Variants in NALCN observed in about 807,000 individuals in gnomAD.
NALCN encodes sodium leak channel NALCN.
In NALCN, 111 loss-of-function variants were observed where a neutral mutation model predicts 225.3. The observed-to-expected ratio is 0.49, with a 90% CI of 0.42 to 0.58. NALCN has a LOEUF of 0.58. NALCN is among the 20% of genes least tolerant of loss of function. NALCN has a pLI of 0.00. For missense variants in NALCN, 1,378 were observed against 2,202.4 expected (o/e 0.63, Z 7.49); for synonymous variants, 764 against 769.0 (o/e 0.99, Z 0.11).
intron 15 of NALCN, among the ~76,000 whole-genome samples, chr13:101,162,651 A>T (rs12874108): frequency 0.23 from 34,280 of 152,186 alleles, 4,855 homozygotes; most frequent in Non-Finnish European, 0.31. Flanking sequence ...AACCATTGCA[A>T]TCTAGTTTCC....
chr13:101,127,905 CTAAACA>C (rs542009842), intron 17 of NALCN, among the ~76,000 whole-genome samples: 117 of 152,184 alleles, frequency 7.7e-4, no homozygotes, highest in Middle Eastern at 3.4e-3. Flanking sequence ...CTAGACTGTG[CTAAACA>C]TAAAGAGCTC....
In NALCN at chr13:101,057,960, C is replaced by T; in HGVS notation, c.5002G>A (p.Gly1668Arg). The T allele has an allele frequency of 6.2e-7, 1 of 1,613,984 alleles. No homozygotes were observed. The highest frequency in any genetic ancestry group is 8.5e-7 in the Non-Finnish European group (1 of 1,180,024). ...CTACCTGAGGGCAGACGCCACTGCC[C>T]AAATTTCCTCTGGGGTTTCCCTGCG... Reference protein sequence around the residue: ...ADAGKPQRKFGQWRLPSAPKP... With the variant: ...ADAGKPQRKFRQWRLPSAPKP... Residue 1668 changes from glycine (G) to arginine (R), a missense_variant, in exon 43 of 44, where the codon GGG becomes AGG. Physicochemically the swap from Gly to Arg is moderately radical, Grantham distance 125 (BLOSUM62 -2). Around this residue, in one of 19 missense-constraint regions of NALCN, gnomAD observed 145 missense variants for 169.6 expected, o/e 0.85. Coordinates refer to ENST00000251127, the MANE Select transcript of NALCN (RefSeq NM_052867.4).
chr13:101,064,974 A>C (rs556197470), intron 40 of NALCN, among the ~76,000 whole-genome samples: 1 of 152,276 alleles, frequency 6.6e-6, no homozygotes, highest in East Asian at 1.9e-4. Context: ...AGGCCAGGCA[A>C]ATTCTCATCA....
chr13:101,311,319 G>A (rs2044336562), intron 7 of NALCN, among the ~76,000 whole-genome samples: 1 of 151,876 alleles, frequency 6.6e-6, no homozygotes, highest in Non-Finnish European at 1.5e-5. Flanking sequence ...GGGACAATTT[G>A]ACTTCCTCTT....
At chr13:101,146,488 C>T in intron 15 of NALCN, among the ~76,000 whole-genome samples, 1 of 152,074 alleles carries the variant, frequency 6.6e-6, no homozygotes, top group East Asian at 1.9e-4. Flanking sequence ...AAAATGATTC[C>T]ACACACGAGT....
intron 43 of NALCN, among the ~76,000 whole-genome samples, chr13:101,056,584 A>G (rs2031292720): frequency 6.6e-6 from 1 of 152,012 alleles, no homozygotes. Context: ...TTTTGACAGC[A>G]TCATTTCTTT....
chr13:101,127,657 C>T (rs2036300752), intron 17 of NALCN, among the ~76,000 whole-genome samples: 1 of 152,120 alleles, frequency 6.6e-6, no homozygotes, highest in African/African-American at 2.4e-5. Context: ...CACACCTGGC[C>T]TTTGGGATGT....
chr13:101,200,034 T>C (rs184791229), intron 13 of NALCN, among the ~76,000 whole-genome samples: 304 of 152,254 alleles, frequency 2.0e-3, no homozygotes, highest in African/African-American at 7.0e-3. Context: ...CAATACTCAC[T>C]ACCTGCTTGA....
intron 13 of NALCN, among the ~76,000 whole-genome samples, chr13:101,202,609 C>T (rs527408279): frequency 2.2e-4 from 33 of 152,290 alleles, no homozygotes; most frequent in Non-Finnish European, 4.1e-4. Context: ...ATCTGATACT[C>T]CATGGCTGCC....
chr13:101,151,771 C>G (rs958645893), intron 15 of NALCN, among the ~76,000 whole-genome samples: 1 of 152,270 alleles, frequency 6.6e-6, no homozygotes, highest in East Asian at 1.9e-4. Flanking sequence ...GATTTTACAA[C>G]CCAAATCGCA....
chr13:101,159,865 C>G (rs1038594607), intron 15 of NALCN, among the ~76,000 whole-genome samples: 1 of 152,160 alleles, frequency 6.6e-6, no homozygotes, highest in Non-Finnish European at 1.5e-5. Flanking sequence ...TTTGGTAAAA[C>G]TGAAAGAGAG....
chr13:101,299,421 GT>G (rs201914575), intron 7 of NALCN, among the ~76,000 whole-genome samples: 12 of 150,710 alleles, frequency 8.0e-5, no homozygotes, highest in Admixed American at 1.3e-4. Context: ...CACACACAGG[GT>G]TTTTTTTGTT....
intron 15 of NALCN, among the ~76,000 whole-genome samples, chr13:101,163,266 A>C (rs1210170985): frequency 6.6e-6 from 1 of 152,144 alleles, no homozygotes; most frequent in Non-Finnish European, 1.5e-5. Flanking sequence ...TAGAATGAAA[A>C]TAATTCTGAA....
At chr13:101,367,495 C>T (rs1173545658) in intron 6 of NALCN, among the ~76,000 whole-genome samples, 1 of 152,044 alleles carries the variant, frequency 6.6e-6, no homozygotes, top group Non-Finnish European at 1.5e-5. Flanking sequence ...CAGGACATGA[C>T]CTATTTTTTT....
intron 20 of NALCN, among the ~76,000 whole-genome samples, chr13:101,109,083 G>A (rs1225985235): frequency 6.6e-6 from 1 of 152,162 alleles, no homozygotes; most frequent in Admixed American, 6.5e-5. Flanking sequence ...TCAAAGACAT[G>A]TTCTGATTTG....
At chr13:101,188,754 G>C (rs538209261) in intron 14 of NALCN, among the ~76,000 whole-genome samples, 1 of 143,724 alleles carries the variant, frequency 7.0e-6, no homozygotes, top group Non-Finnish European at 1.5e-5. Context: ...GCATGATCTC[G>C]GCTCACTGCA....
At chr13:101,257,209 GTTTTTTTT>G (rs34334262) in intron 11 of NALCN, among the ~76,000 whole-genome samples, 1 of 121,118 alleles carries the variant, frequency 8.3e-6, no homozygotes, top group Non-Finnish European at 1.7e-5. Flanking sequence ...ATTGTTTATT[GTTTTTTTT>G]TTTTTTTTTT....
At chr13:101,088,901 CTTTTTTTTCTT>C (rs906757577) in intron 30 of NALCN, among the ~76,000 whole-genome samples, 4 of 85,112 alleles carry the variant, frequency 4.7e-5, no homozygotes, top group African/African-American at 2.7e-4. Context: ...ATCTTTTTTT[CTTTTTTTTCTT>C]TTTTTTTTTT....
At chr13:101,232,022 A>G (rs1179451026) in intron 12 of NALCN, among the ~76,000 whole-genome samples, 1 of 149,628 alleles carries the variant, frequency 6.7e-6, no homozygotes, top group Non-Finnish European at 1.5e-5. Flanking sequence ...TTAATCCCCA[A>G]CGGGTACTGC....
Sources: allele counts gnomAD v4.1 joint callset (sites outside exome capture counted in the v4.1 genomes callset), GRCh38; gene constraint gnomAD v4.1.1; regional missense constraint gnomAD v4.1.1; transcripts MANE v1.5; gene names NCBI Gene and HGNC (gene_info 2026-07-23, HGNC 2026-07-21).